MGAT4B: variants seen among roughly 807,000 people sequenced by gnomAD.
MGAT4B encodes alpha-1,3-mannosyl-glycoprotein 4-beta-N-acetylglucosaminyltransferase B.
A neutral mutation model predicts 73.9 loss-of-function variants in MGAT4B; 38 were observed. The ratio of observed to expected loss-of-function variants is 0.51; its 90% CI spans 0.40 to 0.67. The LOEUF is 0.67. Ranked by LOEUF, MGAT4B falls within the 30% of genes least tolerant of loss-of-function variation. MGAT4B has a pLI of 0.00. For missense variants in MGAT4B, 686 were observed against 735.2 expected (o/e 0.93, Z 0.77); for synonymous variants, 373 against 313.5 (o/e 1.19, Z -2.01).
Position 179,798,933 on chromosome 5 carries a change from C to T in MGAT4B, c.1338G>A (p.Leu446=). The part of the protein sequence containing the change: ...IRFRFFQPLR[L]ERFFFRSGNI... ...CCCATGGTGCTGGCACTGACCGCTC[C>T]AGTCTTAGAGGTTGGAAGAAGCGGA... is the stretch of plus-strand genomic sequence containing the variant. The change falls in exon 11 of 15, where the codon CTG becomes CTA. Residue 446 remains leucine, a synonymous_variant. Transcript: ENST00000292591. The T allele has an allele frequency of 6.2e-7, 1 of 1,613,514 alleles. No individual in the cohort carries two copies.
At position 179,801,149 on chromosome 5, in the gene MGAT4B, C is replaced by T. The variant is rs922256737; in HGVS notation, c.558+185G>A. Among the ~76,000 whole-genome samples the T allele has an allele frequency of 6.6e-6, 1 of 151,590 alleles. No individual in the cohort carries two copies. Among genetic ancestry groups the T allele is most frequent in the Non-Finnish European group, 1.5e-5 (1 of 67,952 alleles). ...CGCATGGCCAAGGACTAGGGGGTGG[C>T]GGGGGCGATGGGTAGGGGTAGAGGG... On this transcript the variant is annotated intron_variant, in intron 4 of 14. Transcript: ENST00000292591. This position sits in a 1 kb window ranked among gnomAD's most constrained non-coding sequence, Gnocchi z 4.8.
chr5:179,806,566 G>A lies in MGAT4B; in HGVS notation c.18C>T (p.Gly6=), dbSNP rs1757169042. 3 of 1,300,032 alleles carry A rather than the reference G, an allele frequency of 2.3e-6. No homozygotes were observed. The highest frequency in any genetic ancestry group is 3.0e-6 in the Non-Finnish European group (3 of 997,028). The allele number at this position is 1,300,032 out of a possible 1,614,324, so 80.5% of individuals were successfully genotyped here. MRLRN[G]TFLTLLLFCL... is the part of the protein sequence containing the mutation. ...AGAAGAGCAGCAGCGTCAGGAAGGT[G>A]CCATTGCGGAGCCTCATCTCCTCGG... The change falls in exon 1 of 15, where the codon GGC becomes GGT. Residue 6 remains glycine, a synonymous_variant. Transcript: ENST00000292591. This position sits in a 1 kb window ranked among gnomAD's most constrained non-coding sequence, Gnocchi z 4.6.
chr5:179,800,373 C>T, intron 6 of MGAT4B, 111 bp downstream of exon 6: 1 of 1,454,024 alleles, frequency 6.9e-7, no homozygotes, highest in East Asian at 2.3e-5. Flanking sequence ...CACGGGTCCT[C>T]CCATGGAGAA....
intron 1 of MGAT4B, among the ~76,000 whole-genome samples, chr5:179,804,753 G>A (rs925064763): frequency 1.3e-4 from 20 of 152,222 alleles, no homozygotes; most frequent in East Asian, 9.7e-4. Context: ...TCTGGCCTCC[G>A]ACTGGCTACG....
In MGAT4B at chr5:179,797,916, G is replaced by T; in HGVS notation, c.*129C>A. Reference sequence around the variant, plus strand: ...CGGGCCAGCGGCGGACCCCAGGCCGGCCCAAGCCCGACGCCAGGCAGAACC... The same window carrying T: ...CGGGCCAGCGGCGGACCCCAGGCCGTCCCAAGCCCGACGCCAGGCAGAACC... On this transcript the variant is annotated 3_prime_UTR_variant, in exon 15 of 15. Transcript: ENST00000292591. 1 of 1,360,668 alleles carries T rather than the reference G, an allele frequency of 7.3e-7. No homozygotes were observed. The allele number at this position is 1,360,668 out of a possible 1,614,324, so 84.3% of individuals were successfully genotyped here.
In MGAT4B at chr5:179,798,362, C is replaced by T. The variant is rs1357854192; in HGVS notation, c.1495G>A (p.Gly499Ser). 4 of 1,613,080 alleles carry T rather than the reference C, an allele frequency of 2.5e-6. No homozygotes were observed. Among genetic ancestry groups the T allele is most frequent in the Middle Eastern group, 1.6e-4 (1 of 6,062 alleles). Residue 499 changes from glycine to serine, a missense_variant, in exon 13 of 15, where the codon GGC becomes AGC. Gly to Ser is a moderately conservative substitution (Grantham distance 56, BLOSUM62 0). Transcript: ENST00000292591. ...CCCTACCCACCGATCTGGAGGTAGC[C>T]GTCGGGGCTCCGAGGGTACCGGAGG... ...ATLRYPRSPD[G>S]YLQIGSFYKG...
intron 1 of MGAT4B, 198 bp from the exon 2 acceptor site, chr5:179,802,167 G>C: frequency 6.6e-7 from 1 of 1,504,254 alleles, no homozygotes; most frequent in Non-Finnish European, 8.8e-7. Flanking sequence ...AGAAAACCAG[G>C]GGAATTAGCC....
rs566677497 is a variant in MGAT4B at position 179,798,066 on chromosome 5, G to A, written c.1626C>T (p.Ile542=). ...CAGCTTAGTCGGCCTTTTTCAGGAA[G>A]ATCTGGAAGAGCCGGACCCAGGGTC... ...DSPVWVILSE[I]FLKKAD The change falls in exon 15 of 15, where the codon ATC becomes ATT. Residue 542 remains isoleucine, a splice_region_variant and synonymous_variant. Transcript: ENST00000292591. The A allele has an allele frequency of 6.2e-7, 1 of 1,609,496 alleles. No individual in the cohort carries two copies. The highest frequency in any genetic ancestry group is 1.1e-5 in the South Asian group (1 of 90,384).
At chr5:179,798,711 G>T in intron 11 of MGAT4B, 120 bp from the exon 12 acceptor site, 1 of 1,228,136 alleles carries the variant, frequency 8.1e-7, no homozygotes, top group Non-Finnish European at 1.2e-6. Context: ...GTCAGGCTGT[G>T]CAAAGAGACC....
chr5:179,804,597 T>G (rs1364323509), intron 1 of MGAT4B, among the ~76,000 whole-genome samples: 1 of 152,132 alleles, frequency 6.6e-6, no homozygotes, highest in African/African-American at 2.4e-5. Flanking sequence ...GGCTTGACCT[T>G]GCGTTTCCAG....
Position 179,797,900 on chromosome 5 carries a change from G to T in MGAT4B, c.*145C>A. ...CAGCTCCTAGGGCCTCCGGGCCAGC[G>T]GCGGACCCCAGGCCGGCCCAAGCCC... On this transcript the variant is annotated 3_prime_UTR_variant, in exon 15 of 15. Coordinates refer to ENST00000292591, the MANE Select transcript of MGAT4B (RefSeq NM_014275.5). 1 of 1,196,256 alleles carries T rather than the reference G, an allele frequency of 8.4e-7. No homozygotes were observed. The highest frequency in any genetic ancestry group is 1.4e-5 in the South Asian group (1 of 70,288). 74.1% of individuals were successfully genotyped at this position (1,196,256 alleles called of 1,614,324 possible).
At position 179,798,405 on chromosome 5, in the gene MGAT4B, C is replaced by G. The variant is rs1756750204; in HGVS notation, c.1452G>C (p.Gln484His). ...ACCGGAGGGTGGCGGTGCGGCCCTC[C>G]TGCAGGGCCTCCTTGTCTGACTGAG... The part of the protein sequence containing the change: ...DNPQSDKEAL[Q>H]EGRTATLRYP... Residue 484 changes from glutamine (Q) to histidine (H), a missense_variant, in exon 13 of 15, where the codon CAG becomes CAC. By Grantham distance (24) the Gln-to-His change is conservative. Around this residue, in one of 2 missense-constraint regions of MGAT4B, gnomAD observed 449 missense variants for 536.8 expected, o/e 0.84. Transcript: ENST00000292591. 6.2e-7 allele frequency: 1 copy of G among 1,612,652 alleles called. No individual in the cohort carries two copies. Among genetic ancestry groups the G allele is most frequent in the Non-Finnish European group, 8.5e-7 (1 of 1,179,848 alleles).
In MGAT4B at chr5:179,799,579, T is replaced by G. The variant is rs1299909540; in HGVS notation, c.968A>C (p.Tyr323Ser). Reference protein sequence around the residue: ...SLIVEFILMFYRDKPIDWLLD... With the variant: ...SLIVEFILMFSRDKPIDWLLD... ...GAGCCAGTCGATGGGCTTGTCCCGG[T>G]AGAACATGAGAATGAACTCTACAAT... Residue 323 changes from tyrosine to serine, a missense_variant, in exon 9 of 15, where the codon TAC (tyrosine) becomes TCC (serine). By Grantham distance (144) the Tyr-to-Ser change is moderately radical (BLOSUM62 -2). Coordinates refer to ENST00000292591, the MANE Select transcript of MGAT4B (RefSeq NM_014275.5). 6.2e-7 allele frequency: 1 copy of G among 1,613,802 alleles called. No individual in the cohort carries two copies. The highest frequency in any genetic ancestry group is 8.5e-7 in the Non-Finnish European group (1 of 1,180,026).
rs1264541949 is a variant in MGAT4B at position 179,806,604 on chromosome 5, C to T, written c.-21G>A. The T allele has an allele frequency of 4.9e-6, 6 of 1,219,684 alleles. No homozygotes were observed. The highest frequency in any genetic ancestry group is 5.3e-6 in the Non-Finnish European group (5 of 949,744). The allele number at this position is 1,219,684 out of a possible 1,614,324, so 75.6% of individuals were successfully genotyped here. On this transcript the variant is annotated 5_prime_UTR_variant, in exon 1 of 15. Transcript: ENST00000292591. This position sits in a 1 kb window ranked among gnomAD's most constrained non-coding sequence, Gnocchi z 4.6. ...CTCATCTCCTCGGGTGCGCGGCGGG[C>T]GCCCGCGGGGCCGAGGCTGCATGGC... is the stretch of plus-strand genomic sequence containing the variant.
chr5:179,800,155 G>A, intron 7 of MGAT4B, 29 bp downstream of exon 7: 1 of 1,612,842 alleles, frequency 6.2e-7, no homozygotes, highest in Non-Finnish European at 8.5e-7. Context: ...CGCAGGGCAG[G>A]GCAGGGCAAC....
intron 11 of MGAT4B, 108 bp from the exon 12 acceptor site, chr5:179,798,699 C>G: frequency 7.7e-7 from 1 of 1,301,022 alleles, no homozygotes; most frequent in Non-Finnish European, 1.1e-6. Context: ...CCCCAGGCAG[C>G]TGTCAGGCTG....
rs750277857 is a variant in MGAT4B at position 179,801,740 on chromosome 5, A to G, written c.283+44T>C. The G allele has an allele frequency of 6.3e-7, 1 of 1,581,230 alleles. No individual in the cohort carries two copies. Among genetic ancestry groups the G allele is most frequent in the African/African-American group, 1.3e-5 (1 of 74,624 alleles). Reference sequence around the variant, plus strand: ...CGGGACTGAGACCAGGGAACCTACAACCAGCCCGCCCCCGCCTTTTCCCCC... The same window carrying G: ...CGGGACTGAGACCAGGGAACCTACAGCCAGCCCGCCCCCGCCTTTTCCCCC... On this transcript the variant is annotated intron_variant, in intron 2 of 14. Coordinates refer to ENST00000292591, the MANE Select transcript of MGAT4B (RefSeq NM_014275.5). This position sits in a 1 kb window ranked among gnomAD's most constrained non-coding sequence, Gnocchi z 4.8.
chr5:179,800,575 C>G lies in MGAT4B; in HGVS notation c.628G>C (p.Gly210Arg), dbSNP rs1381301164. The change falls in exon 6 of 15, where the codon GGG becomes CGG. Residue 210 changes from glycine to arginine, a missense_variant. Physicochemically the swap from Gly to Arg is moderately radical, Grantham distance 125 (BLOSUM62 -2). Around this residue, in one of 2 missense-constraint regions of MGAT4B, gnomAD observed 449 missense variants for 536.8 expected, o/e 0.84. Coordinates refer to ENST00000292591, the MANE Select transcript of MGAT4B (RefSeq NM_014275.5). ...KALFPTEIHS[G>R]LLEVISPSPH... ...GAGGGTGAGATGACCTCCAGGAGCC[C>G]AGAATGGATCTCCGTGGGGAACCTG... The G allele has an allele frequency of 6.2e-7, 1 of 1,610,876 alleles. No homozygotes were observed. Among genetic ancestry groups the G allele is most frequent in the African/African-American group, 1.3e-5 (1 of 74,814 alleles).
rs1258835100 is a variant in MGAT4B, at chr5:179,798,711, G to A, written c.1344-120C>T. 2.6e-5 allele frequency: 32 copies of A among 1,228,020 alleles called. 1 individual carries two copies. The South Asian group carries it at 4.1e-4, about 16-fold the overall frequency. 76.1% of individuals were successfully genotyped at this position (1,228,020 alleles called of 1,614,324 possible). A position where few individuals can be genotyped will look rare whatever the true frequency, so the allele number is the denominator to read the frequency against. ...GCCCCCCAGGCAGCTGTCAGGCTGT[G>A]CAAAGAGACCAGGGCCTTCCTCTGG... On this transcript the variant is annotated intron_variant, in intron 11 of 14. Transcript: ENST00000292591.
Sources: allele counts gnomAD v4.1 joint callset (sites outside exome capture counted in the v4.1 genomes callset), GRCh38; gene constraint gnomAD v4.1.1; regional missense constraint gnomAD v4.1.1; non-coding constraint Gnocchi (gnomAD v3.1); transcripts MANE v1.5; gene names NCBI Gene and HGNC (gene_info 2026-07-23, HGNC 2026-07-21).